The following LCT variants were observed in gnomAD, a reference collection of about 807,000 sequenced individuals.
The protein encoded by LCT is lactase/phlorizin hydrolase.
Under a neutral mutation model 173.0 loss-of-function variants are expected in LCT, and 90 were observed. The observed-to-expected ratio is 0.52, with a 90% confidence interval of 0.44 to 0.62. LCT has a LOEUF of 0.62. LCT is among the 20% of genes least tolerant of loss of function. The pLI, the probability that LCT is intolerant of heterozygous loss-of-function variation, is 0.00. For missense variants in LCT, 1,864 were observed against 2,431.4 expected (o/e 0.77, Z 4.91); for synonymous variants, 853 against 957.6 (o/e 0.89, Z 2.02).
At chr2:135,806,619 A>C (rs1390366959) in intron 9 of LCT, among the ~76,000 whole-genome samples, 1 of 152,210 alleles carries the variant, frequency 6.6e-6, no homozygotes, top group African/African-American at 2.4e-5. Context: ...ATTTAGATAC[A>C]CAAATACCAC....
chr2:135,831,196 G>A (rs1243453010), intron 2 of LCT, among the ~76,000 whole-genome samples: 6 of 152,208 alleles, frequency 3.9e-5, no homozygotes, highest in Non-Finnish European at 7.3e-5. Flanking sequence ...CAGGGTGAGT[G>A]AGGGAGTGTT....
In LCT at chr2:135,827,706, T is replaced by A. The variant is rs911528845; in HGVS notation, c.804+1887A>T. ...ATAGGGTTTGTGCTCCTATCTAATA[T>A]GGTCGCTGATCTGACAGGAGGTGGA... is the stretch of plus-strand genomic sequence containing the variant. On this transcript the variant is annotated intron_variant, in intron 3 of 16. Coordinates refer to ENST00000264162, the MANE Select transcript of LCT (RefSeq NM_002299.4). 2.6e-5 allele frequency among the ~76,000 whole-genome samples: 4 copies of A among 152,156 alleles called. No individual in the cohort carries two copies. In the East Asian group the frequency reaches 7.7e-4, roughly 29 times the overall value.
intron 7 of LCT, 138 bp from the exon 8 acceptor site, chr2:135,810,131 A>T: frequency 1.5e-6 from 1 of 657,050 alleles, no homozygotes; most frequent in Admixed American, 2.6e-5. Flanking sequence ...TGACTACAGG[A>T]GTGAGCTAGT....
intron 2 of LCT, 137 bp from the exon 3 acceptor site, chr2:135,829,813 T>C (rs2105554757): frequency 4.6e-6 from 3 of 647,566 alleles, no homozygotes; most frequent in Non-Finnish European, 8.3e-6. Flanking sequence ...AAGGAAAAGA[T>C]GGAGATGGAA....
intron 11 of LCT, among the ~76,000 whole-genome samples, chr2:135,803,002 C>A (rs1272947588): frequency 6.6e-6 from 1 of 151,998 alleles, no homozygotes; most frequent in Admixed American, 6.6e-5. Context: ...ATCCCAGCTA[C>A]TTGGGAGGCT....
intron 5 of LCT, among the ~76,000 whole-genome samples, chr2:135,820,893 T>C (rs2077822434): frequency 6.6e-6 from 1 of 152,042 alleles, no homozygotes; most frequent in South Asian, 2.1e-4. Flanking sequence ...ATTTTTTTTT[T>C]TTTTGGAGAT....
chr2:135,800,575 A>T, intron 12 of LCT, 32 bp downstream of exon 12: 1 of 1,535,114 alleles, frequency 6.5e-7, no homozygotes, highest in Non-Finnish European at 9.0e-7. Context: ...GATGGACAAG[A>T]GTAAGAACAA....
At chr2:135,831,306 G>C (rs1188358924) in intron 2 of LCT, among the ~76,000 whole-genome samples, 1 of 152,172 alleles carries the variant, frequency 6.6e-6, no homozygotes, top group African/African-American at 2.4e-5. Context: ...AGACAGGAAG[G>C]ACGTCCAGTA....
At chr2:135,793,812 T>C (rs996565690) in intron 14 of LCT, among the ~76,000 whole-genome samples, 1 of 152,142 alleles carries the variant, frequency 6.6e-6, no homozygotes, top group Non-Finnish European at 1.5e-5. Flanking sequence ...CTCACACCTG[T>C]AATCCCAGCA....
chr2:135,794,837 G>A (rs1436238979), intron 13 of LCT, 62 bp from the exon 14 acceptor site: 15 of 1,598,680 alleles, frequency 9.4e-6, no homozygotes, highest in Middle Eastern at 1.8e-4. Flanking sequence ...AGAAGAGAAC[G>A]TCATAGGGCT....
At position 135,798,072 on chromosome 2, in the gene LCT, G is replaced by A; in HGVS notation, c.4933C>T (p.Arg1645Trp). ...NGDYNEVMKT[R>W]IRDRSLAAGL... ...GCAGCCAAGCTCCTGTCACGGATCC[G>A]CGTCTTCATCACCTCATTGTAATCT... Residue 1645 changes from arginine to tryptophan, a missense_variant, in exon 13 of 17, where the codon CGG (arginine) becomes TGG (tryptophan). By Grantham distance (101) the Arg-to-Trp change is moderately radical. This residue lies in a region of LCT where 514 missense variants were observed against 750.1 expected (regional missense o/e 0.69). Transcript: ENST00000264162. The A allele has an allele frequency of 1.2e-6, 2 of 1,613,102 alleles. No homozygotes were observed. Among genetic ancestry groups the A allele is most frequent in the South Asian group, 1.1e-5 (1 of 91,066 alleles).
intron 12 of LCT, 43 bp from the exon 13 acceptor site, chr2:135,798,181 G>C (rs762006393): frequency 9.7e-7 from 1 of 1,034,088 alleles, no homozygotes; most frequent in African/African-American, 1.5e-5. Context: ...TTACAGGTGG[G>C]CACAGCAAGA....
chr2:135,819,406 G>A (rs2077809449), intron 5 of LCT, among the ~76,000 whole-genome samples: 1 of 152,082 alleles, frequency 6.6e-6, no homozygotes, highest in South Asian at 2.1e-4. Flanking sequence ...GCAGAGGTCG[G>A]CCTTGAGGAG....
In LCT at chr2:135,788,645, C is replaced by G. The variant is rs2077511120; in HGVS notation, c.5564-101G>C. On this transcript the variant is annotated intron_variant, in intron 16 of 16. Coordinates refer to ENST00000264162, the MANE Select transcript of LCT (RefSeq NM_002299.4). ...GGCTGCACGGTACCCCAAATCCGCA[C>G]AGCCATTGACGGGATGCCGAGGTGG... 5 of 800,090 alleles carry G rather than the reference C, an allele frequency of 6.2e-6. No individual in the cohort carries two copies. The East Asian group carries it at 9.9e-5, about 16-fold the overall frequency. The allele number at this position is 800,090 out of a possible 1,614,324, so 49.6% of individuals were successfully genotyped here. A position where few individuals can be genotyped will look rare whatever the true frequency, so the allele number is the denominator to read the frequency against.
At chr2:135,817,020 C>T (rs1222445447) in intron 6 of LCT, among the ~76,000 whole-genome samples, 5 of 151,306 alleles carry the variant, frequency 3.3e-5, no homozygotes, top group African/African-American at 9.7e-5. Context: ...AGGCGTGCAA[C>T]ACTATGCCCA....
chr2:135,794,548 G>T, intron 14 of LCT, 93 bp downstream of exon 14: 1 of 1,392,060 alleles, frequency 7.2e-7, no homozygotes, highest in Non-Finnish European at 1.0e-6. Flanking sequence ...TGGAGGCCCT[G>T]TTTTGAGGCT....
At chr2:135,800,047 A>G (rs1239585791) in intron 12 of LCT, among the ~76,000 whole-genome samples, 1 of 152,236 alleles carries the variant, frequency 6.6e-6, no homozygotes, top group African/African-American at 2.4e-5. Context: ...AATTACCTGT[A>G]CAAATGATTT....
Position 135,790,774 on chromosome 2 carries a change from T to C in LCT, c.5219A>G (p.Tyr1740Cys). Residue 1740 changes from tyrosine to cysteine, a missense_variant, in exon 15 of 17, where the codon TAC (tyrosine) becomes TGC (cysteine). Physicochemically the swap from Tyr to Cys is radical, Grantham distance 194 (BLOSUM62 -2). This residue lies in a region of LCT where 514 missense variants were observed against 750.1 expected (regional missense o/e 0.69). Coordinates refer to ENST00000264162, the MANE Select transcript of LCT (RefSeq NM_002299.4). The surrounding 1 kb of genome is among the most constrained non-coding windows in gnomAD (Gnocchi z 4.1). The part of the protein sequence containing the change: ...RRILNWLKEE[Y>C]NDPPIYVTEN... ...TGTGACATAAATTGGAGGGTCATTG[T>C]ATTCCTCCTTTAACCAGTTCAGGAT... The C allele has an allele frequency of 6.2e-7, 1 of 1,613,946 alleles. No individual in the cohort carries two copies. Among genetic ancestry groups the C allele is most frequent in the Non-Finnish European group, 8.5e-7 (1 of 1,179,886 alleles).
chr2:135,797,508 G>T (rs145589298), intron 13 of LCT, among the ~76,000 whole-genome samples: 1 of 152,218 alleles, frequency 6.6e-6, no homozygotes, highest in Non-Finnish European at 1.5e-5. Context: ...ATAGCTGGGT[G>T]ATCTTGCCCT....
Sources: gnomAD v4.1 joint callset for allele counts (sites outside exome capture counted in the v4.1 genomes callset) on GRCh38, gnomAD v4.1.1 for gene constraint, gnomAD v4.1.1 regional missense constraint, Gnocchi (gnomAD v3.1) non-coding constraint, MANE v1.5 for transcripts, NCBI Gene and HGNC (gene_info 2026-07-23, HGNC 2026-07-21) for gene names.